The following EEF1A2 variants were observed in gnomAD, a reference collection of about 807,000 sequenced individuals.
EEF1A2 encodes elongation factor 1-alpha 2.
In EEF1A2, 5 loss-of-function variants were observed where a neutral mutation model predicts 39.3. The observed-to-expected ratio is 0.13, with a 90% CI of 0.07 to 0.27. The LOEUF is 0.27. Among genes scored for constraint, EEF1A2 ranks in the 10% least tolerant of loss-of-function variants. EEF1A2 has a pLI of 1.00. For synonymous variants in EEF1A2, 287 were observed against 293.7 expected, an observed-to-expected ratio of 0.98 and a Z score of 0.23; for missense variants, 218 against 681.4, an observed-to-expected ratio of 0.32 and a Z score of 7.57.
At chr20:63,492,394 ATG>A (rs1156691681) in intron 5 of EEF1A2, among the ~76,000 whole-genome samples, 11,198 of 131,670 alleles carry the variant, frequency 0.085, 13 homozygotes, top group African/African-American at 0.21. Flanking sequence ...GGGTGGGTAG[ATG>A]GATGGATGGA....
chr20:63,497,879 A>T lies in EEF1A2; in HGVS notation c.-71-45T>A. On this transcript the variant is annotated intron_variant, in intron 1 of 7. Transcript: ENST00000217182. The surrounding 1 kb of genome is among the most constrained non-coding windows in gnomAD (Gnocchi z 7.3). ...GGGGAGACCGGTGATGGGGAGCCCC[A>T]GGGGGAGACACCAGCAGAGACTGTC... is the stretch of plus-strand genomic sequence containing the variant. 1 of 1,370,498 alleles carries T rather than the reference A, an allele frequency of 7.3e-7. No individual in the cohort carries two copies. The highest frequency in any genetic ancestry group is 1.0e-6 in the Non-Finnish European group (1 of 1,004,466). The allele number at this position is 1,370,498 out of a possible 1,614,324, so 84.9% of individuals were successfully genotyped here. A position where few individuals can be genotyped will look rare whatever the true frequency, so the allele number is the denominator to read the frequency against.
chr20:63,492,429 G>C (rs1416045139), intron 5 of EEF1A2, among the ~76,000 whole-genome samples: 1 of 151,612 alleles, frequency 6.6e-6, no homozygotes, highest in African/African-American at 2.4e-5. Context: ...TAGAGAGAAG[G>C]ATGGATGGTT....
rs548581032 is a variant in EEF1A2, at chr20:63,497,228, G to A, written c.144+392C>T. On this transcript the variant is annotated intron_variant, in intron 2 of 7. Coordinates refer to ENST00000217182, the MANE Select transcript of EEF1A2 (RefSeq NM_001958.5). The surrounding 1 kb of genome is among the most constrained non-coding windows in gnomAD (Gnocchi z 7.3). ...CAATCAGCTATTAATAGTAGCGTGT[G>A]CCCTGGCAGGGCCCTAGGACAAGTG... The A allele has an allele frequency of 3.9e-4, 65 of 167,568 alleles. No individual in the cohort carries two copies. The highest frequency in any genetic ancestry group is 1.3e-3 in the African/African-American group (55 of 41,930). 10.4% of individuals were successfully genotyped at this position (167,568 alleles called of 1,614,324 possible).
At chr20:63,495,690 AG>A (rs2082413243) in intron 3 of EEF1A2, among the ~76,000 whole-genome samples, 165 bp downstream of exon 3, 1 of 152,126 alleles carries the variant, frequency 6.6e-6, no homozygotes. Context: ...ATTCATCCTT[AG>A]GGGGGCTCTG....
At chr20:63,491,877 GATGGATGGATGGA>G (rs2082382072) in intron 5 of EEF1A2, among the ~76,000 whole-genome samples, 1 of 33,600 alleles carries the variant, frequency 3.0e-5, no homozygotes, top group East Asian at 8.0e-4. Flanking sequence ...TGGATGGATA[GATGGATGGATGGA>G]TGGATGGATG....
intron 5 of EEF1A2, among the ~76,000 whole-genome samples, chr20:63,491,389 G>C (rs953881265): frequency 5.9e-5 from 9 of 152,208 alleles, no homozygotes; most frequent in African/African-American, 2.2e-4. Flanking sequence ...TCCCCCCCCA[G>C]GCTACTGGGT....
At chr20:63,493,017 A>C in intron 5 of EEF1A2, 120 bp downstream of exon 5, 1 of 1,342,492 alleles carries the variant, frequency 7.4e-7, no homozygotes, top group South Asian at 1.5e-5. Context: ...GTCCCACAGA[A>C]AGTGTGTGGT....
Position 63,495,012 on chromosome 20 carries a change from C to G in EEF1A2, c.414G>C (p.Leu138=). 1 of 1,612,774 alleles carries G rather than the reference C, an allele frequency of 6.2e-7. No homozygotes were observed. The highest frequency in any genetic ancestry group is 8.5e-7 in the Non-Finnish European group (1 of 1,179,960). ...GCTTCACACCCAGCGTGTAGGCCAGCAGGGCATGCTCCCGCGTCTGCCCAT... is the reference window on the plus strand; with the variant it reads ...GCTTCACACCCAGCGTGTAGGCCAGGAGGGCATGCTCCCGCGTCTGCCCAT... The part of the protein sequence containing the change: ...SKNGQTREHA[L]LAYTLGVKQL... The change falls in exon 4 of 8, where the codon CTG becomes CTC. Residue 138 remains leucine, a synonymous_variant. Transcript: ENST00000217182.
chr20:63,489,345 G>A (rs1039670274), intron 6 of EEF1A2, among the ~76,000 whole-genome samples, 193 bp from the exon 7 acceptor site: 1 of 152,188 alleles, frequency 6.6e-6, no homozygotes, highest in Non-Finnish European at 1.5e-5. Flanking sequence ...TTAAGCAAAA[G>A]ATAAACAACT....
rs2082422856 is a variant in EEF1A2 at position 63,497,299 on chromosome 20, G to T, written c.144+321C>A. On this transcript the variant is annotated intron_variant, in intron 2 of 7. Coordinates refer to ENST00000217182, the MANE Select transcript of EEF1A2 (RefSeq NM_001958.5). The surrounding 1 kb of genome is among the most constrained non-coding windows in gnomAD (Gnocchi z 7.3). ...CCCAGCCTTGGCCCTGGGGGGAAGG[G>T]GGTAAGGCTCCAGCGCCCTCCAGCC... 3.9e-6 allele frequency: 1 copy of T among 258,812 alleles called. No individual in the cohort carries two copies. Among genetic ancestry groups the T allele is most frequent in the Non-Finnish European group, 7.3e-6 (1 of 136,168 alleles). The allele number at this position is 258,812 out of a possible 1,614,324, so 16.0% of individuals were successfully genotyped here. A position where few individuals can be genotyped will look rare whatever the true frequency, so the allele number is the denominator to read the frequency against.
rs879255373 is a variant in EEF1A2 at position 63,488,306 on chromosome 20, C to CCGCCTTCTG, written c.1375_1383dup (p.Gln459_Ala461dup). 1.4e-6 allele frequency: 2 copies of CCGCCTTCTG among 1,385,826 alleles called. No homozygotes were observed. The highest frequency in any genetic ancestry group is 1.5e-5 in the African/African-American group (1 of 66,236). The allele number at this position is 1,385,826 out of a possible 1,614,324, so 85.8% of individuals were successfully genotyped here. A position where few individuals can be genotyped will look rare whatever the true frequency, so the allele number is the denominator to read the frequency against. ...CCGCGGGCGCCCGCGCTTCACTTGC[C>CCGCCTTCTG]CGCCTTCTGCGCCTTCTGCGCCGAC... On this transcript the variant is annotated inframe_insertion, in exon 8 of 8. Transcript: ENST00000217182.
At chr20:63,494,778 G>GCCCGC (rs1367663001) in intron 4 of EEF1A2, 27 bp downstream of exon 4, 1 of 1,593,232 alleles carries the variant, frequency 6.3e-7, no homozygotes, top group Admixed American at 1.7e-5. Flanking sequence ...AGCTCCCGTG[G>GCCCGC]CCCGCCCCGC....
In EEF1A2 at chr20:63,497,489, CG is replaced by C; in HGVS notation, c.144+130del. On this transcript the variant is annotated intron_variant, in intron 2 of 7. Coordinates refer to ENST00000217182, the MANE Select transcript of EEF1A2 (RefSeq NM_001958.5). The surrounding 1 kb of genome is among the most constrained non-coding windows in gnomAD (Gnocchi z 7.3). Reference sequence around the variant, plus strand: ...CCTCTGAGGCCTGAGTGCCCCACAGCGGGGGTCCCTCCTGCCCTGGAGGAGG... The same window carrying C: ...CCTCTGAGGCCTGAGTGCCCCACAGCGGGGTCCCTCCTGCCCTGGAGGAGG... 7.1e-7 allele frequency: 1 copy of C among 1,418,326 alleles called. No individual in the cohort carries two copies. Among genetic ancestry groups the C allele is most frequent in the Non-Finnish European group, 9.4e-7 (1 of 1,058,798 alleles). 87.9% of individuals were successfully genotyped at this position (1,418,326 alleles called of 1,614,324 possible). A position where few individuals can be genotyped will look rare whatever the true frequency, so the allele number is the denominator to read the frequency against.
intron 3 of EEF1A2, 35 bp downstream of exon 3, chr20:63,495,821 C>G (rs1350887167): frequency 1.9e-6 from 3 of 1,607,400 alleles, no homozygotes; most frequent in Non-Finnish European, 2.5e-6. Context: ...GTGCAGCGGC[C>G]TCTCCCCCAG....
chr20:63,494,769 G>C, intron 4 of EEF1A2, 36 bp downstream of exon 4: 1 of 1,585,444 alleles, frequency 6.3e-7, no homozygotes. Context: ...GGTCCAGCCA[G>C]CTCCCGTGGC....
intron 7 of EEF1A2, 96 bp downstream of exon 7, chr20:63,488,822 C>T: frequency 7.4e-7 from 1 of 1,344,480 alleles, no homozygotes; most frequent in Non-Finnish European, 1.0e-6. Context: ...AGGGGGCCCA[C>T]TGCTGTCCCC....
chr20:63,490,074 T>C (rs1449684668), intron 6 of EEF1A2: 1 of 169,336 alleles, frequency 5.9e-6, no homozygotes, highest in African/African-American at 2.4e-5. Context: ...TTTCTTTTTT[T>C]TTTTTTCTTT....
intron 3 of EEF1A2, among the ~76,000 whole-genome samples, chr20:63,495,545 C>T (rs1436946737): frequency 6.6e-6 from 1 of 152,210 alleles, no homozygotes; most frequent in Non-Finnish European, 1.5e-5. Context: ...GCCCACTGCT[C>T]ACTCTCCCCA....
Position 63,493,069 on chromosome 20 carries a change from T to C in EEF1A2, c.772+68A>G, listed in dbSNP as rs2082398411. The C allele has an allele frequency of 6.6e-6, 10 of 1,509,120 alleles. No homozygotes were observed. The South Asian group carries it at 1.3e-4, about 19-fold the overall frequency. The allele number at this position is 1,509,120 out of a possible 1,614,324, so 93.5% of individuals were successfully genotyped here. A position where few individuals can be genotyped will look rare whatever the true frequency, so the allele number is the denominator to read the frequency against. On this transcript the variant is annotated intron_variant, in intron 5 of 7. Coordinates refer to ENST00000217182, the MANE Select transcript of EEF1A2 (RefSeq NM_001958.5). ...GACAGCCCAGTCTTGAGATGCCTTG[T>C]AGGGGCCCCTGGTCTAGGGCAGGCA... is the stretch of plus-strand genomic sequence containing the variant.
Sources: gnomAD v4.1 joint callset for allele counts (sites outside exome capture counted in the v4.1 genomes callset) on GRCh38, gnomAD v4.1.1 for gene constraint, Gnocchi (gnomAD v3.1) non-coding constraint, MANE v1.5 for transcripts, NCBI Gene and HGNC (gene_info 2026-07-23, HGNC 2026-07-21) for gene names.